Variants in R3HCC1L observed in about 807,000 individuals in gnomAD.
R3HCC1L encodes the protein coiled-coil domain-containing protein R3HCC1L.
Under a neutral mutation model 59.9 loss-of-function variants are expected in R3HCC1L, and 51 were observed. That is an observed-to-expected ratio of 0.85 (90% confidence interval 0.68 to 1.07). R3HCC1L has a LOEUF of 1.07. Ranked by LOEUF, R3HCC1L falls within the 50% of genes least tolerant of loss-of-function variation. The pLI, the probability that R3HCC1L is intolerant of heterozygous loss-of-function variation, is 0.00. For synonymous variants in R3HCC1L, 322 were observed against 315.2 expected, an observed-to-expected ratio of 1.02 and a Z score of -0.23; for missense variants, 965 against 933.0, an observed-to-expected ratio of 1.03 and a Z score of -0.45.
chr10:98,244,222 A>G lies in R3HCC1L; in HGVS notation c.*64A>G. The G allele has an allele frequency of 1.3e-6, 2 of 1,486,932 alleles. No homozygotes were observed. Among genetic ancestry groups the G allele is most frequent in the Admixed American group, 1.7e-5 (1 of 59,422 alleles). 92.1% of individuals were successfully genotyped at this position (1,486,932 alleles called of 1,614,324 possible). On this transcript the variant is annotated 3_prime_UTR_variant, in exon 10 of 10. Transcript: ENST00000298999. ...AATGTTTCCATAGCCTTCAGATAAG[A>G]TGATCCTTCCAGAGCTCTATGTACA...
intron 4 of R3HCC1L, among the ~76,000 whole-genome samples, chr10:98,174,151 A>G (rs1174359508): frequency 6.6e-6 from 1 of 152,200 alleles, no homozygotes; most frequent in Non-Finnish European, 1.5e-5. Context: ...GGAGAATTGG[A>G]CTAGAACTTC....
chr10:98,153,792 CTG>C (rs945489958), intron 1 of R3HCC1L, among the ~76,000 whole-genome samples: 4 of 138,236 alleles, frequency 2.9e-5, no homozygotes, highest in African/African-American at 1.1e-4. Context: ...AAAGAATAAA[CTG>C]TTTTACATCA....
intron 1 of R3HCC1L, among the ~76,000 whole-genome samples, chr10:98,139,005 T>TA (rs766774673): frequency 6.6e-6 from 1 of 152,238 alleles, no homozygotes; most frequent in Non-Finnish European, 1.5e-5. Context: ...ATTTTGTTGA[T>TA]ACATCTATAT....
chr10:98,232,867 T>C (rs2135652872), intron 6 of R3HCC1L, among the ~76,000 whole-genome samples: 1 of 152,334 alleles, frequency 6.6e-6, no homozygotes, highest in South Asian at 2.1e-4. Flanking sequence ...TGTTTTCATA[T>C]GAAGTTCTAG....
chr10:98,151,482 C>T (rs1846149686), intron 1 of R3HCC1L, among the ~76,000 whole-genome samples: 2 of 152,188 alleles, frequency 1.3e-5, no homozygotes, highest in Non-Finnish European at 2.9e-5. Context: ...TTATTACCAC[C>T]ACCGCAACTA....
At chr10:98,135,882 G>A (rs1280948778) in intron 1 of R3HCC1L, among the ~76,000 whole-genome samples, 1 of 152,160 alleles carries the variant, frequency 6.6e-6, no homozygotes, top group African/African-American at 2.4e-5. Flanking sequence ...TGTGTCTTGT[G>A]TCACAGTTGA....
chr10:98,208,581 C>G lies in R3HCC1L; in HGVS notation c.467C>G (p.Thr156Arg), dbSNP rs1402227057. 6.2e-7 allele frequency: 1 copy of G among 1,614,086 alleles called. No homozygotes were observed. Among genetic ancestry groups the G allele is most frequent in the Admixed American group, 1.7e-5 (1 of 60,016 alleles). ...TTGGAAGTTGAAACTACGGATGTGA[C>G]AGGACATGAGAGGATACTTCTTTCA... ...ECLEVETTDV[T>R]GHERILLSQA... Residue 156 changes from threonine to arginine, a missense_variant, in exon 5 of 10, where the codon ACA becomes AGA. Physicochemically the swap from Thr to Arg is moderately conservative, Grantham distance 71 (BLOSUM62 -1). Transcript: ENST00000298999.
chr10:98,186,186 G>T (rs1219903748), intron 4 of R3HCC1L, among the ~76,000 whole-genome samples: 20 of 152,258 alleles, frequency 1.3e-4, no homozygotes, highest in Admixed American at 1.3e-3. Flanking sequence ...CATTGAGGCC[G>T]TGGAGGTAAG....
chr10:98,196,382 C>T (rs1432280075), intron 4 of R3HCC1L, among the ~76,000 whole-genome samples: 1 of 152,126 alleles, frequency 6.6e-6, no homozygotes, highest in Non-Finnish European at 1.5e-5. Context: ...CTTGCTAAAT[C>T]CAGTGGAAAT....
chr10:98,224,207 TC>T (rs1461106202), intron 5 of R3HCC1L, among the ~76,000 whole-genome samples: 1 of 151,932 alleles, frequency 6.6e-6, no homozygotes, highest in Non-Finnish European at 1.5e-5. Context: ...CAGGTTCCCC[TC>T]ATGGTGTGTG....
chr10:98,146,586 G>A (rs895463765), intron 1 of R3HCC1L, among the ~76,000 whole-genome samples: 5 of 152,132 alleles, frequency 3.3e-5, no homozygotes, highest in African/African-American at 1.2e-4. Context: ...AGCTTGGCTT[G>A]TTTTACTTAA....
intron 4 of R3HCC1L, among the ~76,000 whole-genome samples, chr10:98,206,168 A>G (rs919021092): frequency 4.6e-5 from 7 of 152,106 alleles, no homozygotes; most frequent in African/African-American, 1.7e-4. Context: ...ATTGTATGAC[A>G]TATTTTCTAG....
chr10:98,163,094 G>C, intron 3 of R3HCC1L, 119 bp downstream of exon 3: 1 of 242,404 alleles, frequency 4.1e-6, no homozygotes, highest in Non-Finnish European at 7.8e-6. Flanking sequence ...ACAGAAGATG[G>C]CATTTCCTTA....
At chr10:98,204,313 G>T (rs1398651880) in intron 4 of R3HCC1L, among the ~76,000 whole-genome samples, 2 of 152,112 alleles carry the variant, frequency 1.3e-5, no homozygotes, top group East Asian at 1.9e-4. Flanking sequence ...GCTGAGGCAG[G>T]AGAATAGCCT....
At chr10:98,218,293 G>C (rs977224000) in intron 5 of R3HCC1L, among the ~76,000 whole-genome samples, 1 of 151,356 alleles carries the variant, frequency 6.6e-6, no homozygotes, top group Non-Finnish European at 1.5e-5. Context: ...TCATTCTGTT[G>C]ATCTAATGTA....
intron 4 of R3HCC1L, among the ~76,000 whole-genome samples, chr10:98,176,124 T>C (rs1848993876): frequency 6.6e-6 from 1 of 152,180 alleles, no homozygotes; most frequent in East Asian, 1.9e-4. Flanking sequence ...CTGCGTTTCA[T>C]ACATCTAAAT....
At position 98,231,517 on chromosome 10, in the gene R3HCC1L, A is replaced by G; in HGVS notation, c.1791A>G (p.Ser597=). The change falls in exon 6 of 10, where the codon TCA becomes TCG. Residue 597 remains serine, a synonymous_variant. Transcript: ENST00000298999. Reference sequence around the variant, plus strand: ...ACGTGCTTCTTCCTTTCTAGTTATCAGGGAATACCAAGAGCAGAGAGAGCA... The same window carrying G: ...ACGTGCTTCTTCCTTTCTAGTTATCGGGGAATACCAAGAGCAGAGAGAGCA... ...CLDPRLLQEL[S]GNTKSRESIQ... 2 of 1,610,268 alleles carry G rather than the reference A, an allele frequency of 1.2e-6. No individual in the cohort carries two copies. The highest frequency in any genetic ancestry group is 1.3e-5 in the African/African-American group (1 of 74,810).
At position 98,163,675 on chromosome 10, in the gene R3HCC1L, T is replaced by C. The variant is rs1197456314; in HGVS notation, c.-15+278T>C. Among the ~76,000 whole-genome samples, 7 of 152,328 alleles carry C rather than the reference T, an allele frequency of 4.6e-5. No homozygotes were observed. In the East Asian group the frequency reaches 1.4e-3, roughly 29 times the overall value. Reference sequence around the variant, plus strand: ...TTCAAAGTTGGATCACTAGCTTTGCTCTGTCTCTTTCCACTGTAACAGCTG... The same window carrying C: ...TTCAAAGTTGGATCACTAGCTTTGCCCTGTCTCTTTCCACTGTAACAGCTG... On this transcript the variant is annotated intron_variant, in intron 4 of 9. Transcript: ENST00000298999.
chr10:98,193,129 A>T (rs1375142062), intron 4 of R3HCC1L, among the ~76,000 whole-genome samples: 1 of 152,154 alleles, frequency 6.6e-6, no homozygotes, highest in Non-Finnish European at 1.5e-5. Flanking sequence ...AAATTATCTC[A>T]ACATAATAAA....
Sources: gnomAD v4.1 joint callset for allele counts (sites outside exome capture counted in the v4.1 genomes callset) on GRCh38, gnomAD v4.1.1 for gene constraint, MANE v1.5 for transcripts, NCBI Gene and HGNC (gene_info 2026-07-23, HGNC 2026-07-21) for gene names.